The following GRIK4 variants were observed in gnomAD, a reference collection of about 807,000 sequenced individuals.
GRIK4 encodes glutamate ionotropic receptor kainate type subunit 4.
GRIK4 carries 40 observed loss-of-function variants against 104.9 expected under a neutral mutation model. The observed-to-expected ratio is 0.38, with a 90% CI of 0.30 to 0.50. GRIK4 has a LOEUF of 0.50. Ranked by LOEUF, GRIK4 falls within the 20% of genes least tolerant of loss-of-function variation. The probability of loss-of-function intolerance (pLI) is 0.93; values close to 1 mark genes in which losing one functional copy is unlikely to be tolerated. For missense variants in GRIK4, 1,047 were observed against 1,308.1 expected, an observed-to-expected ratio of 0.80 and a Z score of 3.08; for synonymous variants, 485 against 524.9, an observed-to-expected ratio of 0.92 and a Z score of 1.04.
At chr11:120,738,598 T>TAGAC (rs745647504) in intron 3 of GRIK4, among the ~76,000 whole-genome samples, 172 of 152,254 alleles carry the variant, frequency 1.1e-3, no homozygotes, top group Non-Finnish European at 1.1e-3. Flanking sequence ...ATGCTGAAGA[T>TAGAC]AGACCTGCAG....
intron 13 of GRIK4, among the ~76,000 whole-genome samples, chr11:120,907,717 CGTT>C (rs149363144): frequency 0.021 from 3,223 of 152,042 alleles, 124 homozygotes; most frequent in African/African-American, 0.074. Flanking sequence ...GAGTGGAAGG[CGTT>C]GTAGGAGAAC....
At chr11:120,930,816 C>G (rs1407350505) in intron 13 of GRIK4, among the ~76,000 whole-genome samples, 1 of 152,024 alleles carries the variant, frequency 6.6e-6, no homozygotes, top group Admixed American at 6.6e-5. Flanking sequence ...AGGGGAGGGG[C>G]AGTGTCTGGG....
At chr11:120,811,640 ACT>A (rs113657175) in intron 4 of GRIK4, among the ~76,000 whole-genome samples, 1,658 of 152,072 alleles carry the variant, frequency 0.011, 41 homozygotes, top group African/African-American at 0.037. Context: ...GTGTATAAGT[ACT>A]CTCTGTATTT....
chr11:120,802,546 G>GGGGGAC, intron 3 of GRIK4, 147 bp from the exon 4 acceptor site: 1 of 688,092 alleles, frequency 1.5e-6, no homozygotes, highest in Non-Finnish European at 2.6e-6. Flanking sequence ...AACTTGTTCT[G>GGGGGAC]GGGGACGGTT....
intron 1 of GRIK4, among the ~76,000 whole-genome samples, chr11:120,636,708 C>T (rs780841769): frequency 1.1e-4 from 17 of 152,252 alleles, no homozygotes; most frequent in South Asian, 2.1e-4. Context: ...GGTGTGGTGG[C>T]GTGCGCCTGT....
At chr11:120,720,378 AAT>A (rs1565313570) in intron 3 of GRIK4, among the ~76,000 whole-genome samples, 3 of 152,196 alleles carry the variant, frequency 2.0e-5, no homozygotes, top group African/African-American at 7.2e-5. Flanking sequence ...TGAGCAAAGT[AAT>A]ATAGATTTTC....
chr11:120,864,413 T>G (rs1351218048), intron 9 of GRIK4, among the ~76,000 whole-genome samples: 1 of 152,088 alleles, frequency 6.6e-6, no homozygotes, highest in Non-Finnish European at 1.5e-5. Flanking sequence ...GCTAATTTTT[T>G]GTATTTTTAG....
chr11:120,615,014 AAAAAACAAAAC>A (rs1197031218), intron 1 of GRIK4, among the ~76,000 whole-genome samples: 19 of 151,610 alleles, frequency 1.3e-4, no homozygotes, highest in African/African-American at 4.6e-4. Context: ...AAAACAAAAC[AAAAAACAAAAC>A]AAACAAACAA....
intron 19 of GRIK4, among the ~76,000 whole-genome samples, chr11:120,981,018 G>A (rs1306774508): frequency 1.1e-5 from 1 of 88,698 alleles, no homozygotes; most frequent in Admixed American, 1.1e-4. Flanking sequence ...TGACTGCCCC[G>A]ACACTGACGA....
At chr11:120,734,845 C>G (rs1039848248) in intron 3 of GRIK4, among the ~76,000 whole-genome samples, 2 of 152,156 alleles carry the variant, frequency 1.3e-5, no homozygotes, top group Admixed American at 1.3e-4. Context: ...ATATCAATTG[C>G]ATTTTTCAAA....
chr11:120,883,894 G>A (rs1338887933), intron 11 of GRIK4, among the ~76,000 whole-genome samples: 1 of 152,230 alleles, frequency 6.6e-6, no homozygotes, highest in African/African-American at 2.4e-5. Context: ...GCCTGGAAGA[G>A]CTGGAAGAGG....
intron 3 of GRIK4, among the ~76,000 whole-genome samples, chr11:120,784,424 C>G (rs1308661706): frequency 6.6e-6 from 1 of 152,150 alleles, no homozygotes; most frequent in Non-Finnish European, 1.5e-5. Context: ...CAAAGCCATT[C>G]TAATCTGTCA....
chr11:120,820,624 A>G (rs1235767193), intron 6 of GRIK4, among the ~76,000 whole-genome samples: 2 of 152,138 alleles, frequency 1.3e-5, no homozygotes, highest in Non-Finnish European at 2.9e-5. Flanking sequence ...GCCACTGGCT[A>G]CTGCTGGAAC....
At chr11:120,886,625 C>T (rs1471942627) in intron 11 of GRIK4, among the ~76,000 whole-genome samples, 1 of 152,166 alleles carries the variant, frequency 6.6e-6, no homozygotes, top group Non-Finnish European at 1.5e-5. Context: ...GTTCGGTATT[C>T]CCTAATTCAG....
At chr11:120,782,475 C>T (rs527619334) in intron 3 of GRIK4, among the ~76,000 whole-genome samples, 61 of 152,182 alleles carry the variant, frequency 4.0e-4, no homozygotes, top group African/African-American at 1.3e-3. Flanking sequence ...TTAGTAGAGA[C>T]GGGGTTTCAC....
Position 120,837,001 on chromosome 11 carries a change from C to T in GRIK4, c.744+157C>T, listed in dbSNP as rs141261199. Among the ~76,000 whole-genome samples, 54 of 152,304 alleles carry T rather than the reference C, an allele frequency of 3.5e-4. No individual in the cohort carries two copies. The East Asian group carries it at 8.9e-3, about 25-fold the overall frequency. On this transcript the variant is annotated intron_variant, in intron 8 of 20. Coordinates refer to ENST00000527524, the MANE Select transcript of GRIK4 (RefSeq NM_014619.5). ...AGAGGCAGGGCGTCCTGGAAATTCT[C>T]ATCCCAATAATTCTGAGCCACAGGA... is the stretch of plus-strand genomic sequence containing the variant.
At chr11:120,657,965 C>T (rs1385917538) in intron 2 of GRIK4, among the ~76,000 whole-genome samples, 6 of 152,320 alleles carry the variant, frequency 3.9e-5, no homozygotes, top group African/African-American at 9.6e-5. Context: ...GGAGTCCCCT[C>T]GTGTCCCCTG....
intron 3 of GRIK4, among the ~76,000 whole-genome samples, chr11:120,772,149 C>T (rs1365338440): frequency 6.6e-6 from 1 of 152,236 alleles, no homozygotes; most frequent in East Asian, 1.9e-4. Flanking sequence ...TCTGCCCTAA[C>T]AGGTCTAGCG....
intron 1 of GRIK4, 87 bp from the exon 2 acceptor site, chr11:120,653,598 A>ATTGTAAATTC (rs1949652099): frequency 6.6e-6 from 1 of 152,210 alleles, no homozygotes; most frequent in Non-Finnish European, 1.5e-5. Flanking sequence ...CTCTTCAGTG[A>ATTGTAAATTC]CACCAAATAC....
Sources: allele counts gnomAD v4.1 joint callset (sites outside exome capture counted in the v4.1 genomes callset), GRCh38; gene constraint gnomAD v4.1.1; transcripts MANE v1.5; gene names NCBI Gene and HGNC (gene_info 2026-07-23, HGNC 2026-07-21).